LRPPRC: variants seen among roughly 807,000 people sequenced by gnomAD.
LRPPRC encodes leucine rich pentatricopeptide repeat containing, also known as leucine-rich PPR motif-containing protein, mitochondrial.
LRPPRC carries 120 observed loss-of-function variants against 180.3 expected under a neutral mutation model. The ratio of observed to expected loss-of-function variants is 0.67; its 90% CI spans 0.57 to 0.77. The LOEUF is 0.77. Among genes scored for constraint, LRPPRC ranks in the 30% least tolerant of loss-of-function variants. The pLI is 0.00. For missense variants in LRPPRC, 2,012 were observed against 1,657.2 expected (o/e 1.21, Z -3.72); for synonymous variants, 723 against 600.0 (o/e 1.21, Z -3.00).
rs376531973 is a variant in LRPPRC at position 43,963,525 on chromosome 2, C to G, written c.1488+63G>C. On this transcript the variant is annotated intron_variant, in intron 12 of 37. Coordinates refer to ENST00000260665, the MANE Select transcript of LRPPRC (RefSeq NM_133259.4). ...TCAATGACTTTTTTGTGTGTCAACA[C>G]TAAACATTAAGGAGGAAAGATATCC... is the stretch of plus-strand genomic sequence containing the variant. The G allele has an allele frequency of 2.7e-5, 28 of 1,020,166 alleles. 1 individual carries two copies. Among genetic ancestry groups the G allele is most frequent in the South Asian group, 2.1e-4 (17 of 79,378 alleles). The allele number at this position is 1,020,166 out of a possible 1,614,324, so 63.2% of individuals were successfully genotyped here. A position where few individuals can be genotyped will look rare whatever the true frequency, so the allele number is the denominator to read the frequency against.
chr2:43,939,986 G>C (rs894601598), intron 23 of LRPPRC, among the ~76,000 whole-genome samples: 6 of 152,176 alleles, frequency 3.9e-5, no homozygotes, highest in Non-Finnish European at 7.3e-5. Context: ...TTTTCTGACA[G>C]AGGCAGAAAA....
At chr2:43,895,182 C>T (rs923293791) in intron 35 of LRPPRC, among the ~76,000 whole-genome samples, 2 of 152,146 alleles carry the variant, frequency 1.3e-5, no homozygotes, top group South Asian at 2.1e-4. Context: ...GAGTATTTCC[C>T]GCCCTACTCC....
At chr2:43,892,670 T>G (rs1670533510) in intron 36 of LRPPRC, 1 of 152,172 alleles carries the variant, frequency 6.6e-6, no homozygotes, top group African/African-American at 2.4e-5. Context: ...AATCTTGACT[T>G]TCAAGTCTTA....
chr2:43,891,113 T>C (rs146724628), intron 36 of LRPPRC, among the ~76,000 whole-genome samples: 249 of 152,322 alleles, frequency 1.6e-3, no homozygotes, highest in African/African-American at 5.8e-3. Flanking sequence ...GCTGTTTCCA[T>C]GAAGTCAACT....
intron 23 of LRPPRC, among the ~76,000 whole-genome samples, chr2:43,935,828 C>T (rs1236087475): frequency 1.3e-5 from 2 of 152,030 alleles, no homozygotes; most frequent in African/African-American, 2.4e-5. Flanking sequence ...TAAGACCTTG[C>T]AAGACCAGGT....
At chr2:43,905,542 C>G in intron 31 of LRPPRC, 150 bp downstream of exon 31, 1 of 710,334 alleles carries the variant, frequency 1.4e-6, no homozygotes, top group South Asian at 1.5e-5. Flanking sequence ...AATGCATGTA[C>G]AGTAATTTAT....
chr2:43,940,606 G>T (rs559862462), intron 23 of LRPPRC, among the ~76,000 whole-genome samples: 1 of 152,220 alleles, frequency 6.6e-6, no homozygotes, highest in East Asian at 1.9e-4. Context: ...AAGCTGCTTT[G>T]ATCACTTGCA....
chr2:43,915,121 T>C lies in LRPPRC; in HGVS notation c.3149-2563A>G, dbSNP rs143933769. ...GGTGGGTGCCTATAATCCCAGCTAC[T>C]TGGGAGGCAGGAGAATCACTTGAGT... On this transcript the variant is annotated intron_variant, in intron 29 of 37. Transcript: ENST00000260665. Among the ~76,000 whole-genome samples, 1,360 of 148,118 alleles carry C rather than the reference T, an allele frequency of 9.2e-3. 19 individuals carry two copies. Among genetic ancestry groups the C allele is most frequent in the African/African-American group, 0.032 (1,284 of 40,144 alleles).
intron 1 of LRPPRC, among the ~76,000 whole-genome samples, chr2:43,987,245 A>G (rs990308929): frequency 1.3e-5 from 2 of 152,160 alleles, no homozygotes; most frequent in African/African-American, 4.8e-5. Flanking sequence ...CTGTAATCCC[A>G]GCACTTAGGG....
At chr2:43,963,956 C>T (rs898732423) in intron 11 of LRPPRC, among the ~76,000 whole-genome samples, 3 of 152,172 alleles carry the variant, frequency 2.0e-5, no homozygotes, top group African/African-American at 7.2e-5. Context: ...TATAAAGAAA[C>T]TTGAAACAAT....
intron 30 of LRPPRC, among the ~76,000 whole-genome samples, chr2:43,906,370 C>A (rs1308690272): frequency 1.3e-5 from 2 of 152,022 alleles, no homozygotes; most frequent in African/African-American, 4.8e-5. Context: ...ACCATCTTGC[C>A]CTAGCTTAAG....
chr2:43,995,781 A>T lies in LRPPRC; in HGVS notation c.149+18T>A. On this transcript the variant is annotated intron_variant, in intron 1 of 37. Transcript: ENST00000260665. Reference sequence around the variant, plus strand: ...CCTGGCGCCGCAGCTTGCCTGGAGAAAGGGCCTGGGCACTCACCCGGCCAC... The same window carrying T: ...CCTGGCGCCGCAGCTTGCCTGGAGATAGGGCCTGGGCACTCACCCGGCCAC... The T allele has an allele frequency of 3.7e-6, 5 of 1,352,310 alleles. No homozygotes were observed. Among genetic ancestry groups the T allele is most frequent in the Non-Finnish European group, 4.7e-6 (5 of 1,060,808 alleles). 83.8% of individuals were successfully genotyped at this position (1,352,310 alleles called of 1,614,324 possible).
chr2:43,918,264 C>G lies in LRPPRC; in HGVS notation c.3031G>C (p.Val1011Leu). The G allele has an allele frequency of 1.2e-6, 2 of 1,613,114 alleles. No homozygotes were observed. Among genetic ancestry groups the G allele is most frequent in the East Asian group, 2.2e-5 (1 of 44,864 alleles). ...ATGCCAAAAACAATTACCTCAGGTA[C>G]GTCAAACGGAACTTCCTGGTTACCC... is the stretch of plus-strand genomic sequence containing the variant. ...REGNQEVPFD[V>L]PELWYEDEKH... The change falls in exon 28 of 38, where the codon GTA (valine) becomes CTA (leucine). Residue 1011 changes from valine (V) to leucine (L), a missense_variant. Coordinates refer to ENST00000260665, the MANE Select transcript of LRPPRC (RefSeq NM_133259.4).
At chr2:43,940,602 C>A (rs1376765482) in intron 23 of LRPPRC, among the ~76,000 whole-genome samples, 1 of 152,162 alleles carries the variant, frequency 6.6e-6, no homozygotes, top group Non-Finnish European at 1.5e-5. Flanking sequence ...ATTAAAGCTG[C>A]TTTGATCACT....
intron 25 of LRPPRC, among the ~76,000 whole-genome samples, chr2:43,931,802 T>C (rs1379683660): frequency 6.6e-6 from 1 of 152,154 alleles, no homozygotes; most frequent in African/African-American, 2.4e-5. Context: ...TTGGCAGATT[T>C]CTTCATCTGA....
At chr2:43,994,214 A>G (rs892763987) in intron 1 of LRPPRC, among the ~76,000 whole-genome samples, 1 of 152,244 alleles carries the variant, frequency 6.6e-6, no homozygotes. Context: ...ATGATTTCGG[A>G]AAGTTAACTG....
At chr2:43,976,595 T>C (rs1674065930) in intron 5 of LRPPRC, among the ~76,000 whole-genome samples, 1 of 151,924 alleles carries the variant, frequency 6.6e-6, no homozygotes, top group African/African-American at 2.4e-5. Flanking sequence ...CATTCATAAG[T>C]AGTAATAAAT....
chr2:43,996,019 C>T (rs1675053167), upstream of LRPPRC: 1 of 1,483,198 alleles, frequency 6.7e-7, no homozygotes, highest in African/African-American at 1.4e-5. Flanking sequence ...CGCAGGGTAG[C>T]CTGGCGCGGC....
At chr2:43,909,409 C>G (rs1324608731) in intron 30 of LRPPRC, among the ~76,000 whole-genome samples, 1 of 151,948 alleles carries the variant, frequency 6.6e-6, no homozygotes, top group African/African-American at 2.4e-5. Flanking sequence ...AACTCAGAAG[C>G]AGAGTATGAT....
Sources: allele counts gnomAD v4.1 joint callset (sites outside exome capture counted in the v4.1 genomes callset), GRCh38; gene constraint gnomAD v4.1.1; transcripts MANE v1.5; gene names NCBI Gene and HGNC (gene_info 2026-07-23, HGNC 2026-07-21).